GRID1: variants seen among roughly 807,000 people sequenced by gnomAD.
GRID1 encodes glutamate receptor ionotropic, delta-1.
Under a neutral mutation model 98.0 loss-of-function variants are expected in GRID1, and 28 were observed. That is an observed-to-expected ratio of 0.29 (90% CI 0.21 to 0.39). The LOEUF (loss-of-function observed/expected upper bound fraction) is 0.39, where lower values mean the gene tolerates loss of function less well. GRID1 is among the 10% of genes least tolerant of loss of function. The pLI is 1.00. For missense variants in GRID1, 1,111 were observed against 1,340.5 expected (o/e 0.83, Z 2.67); for synonymous variants, 553 against 538.5 (o/e 1.03, Z -0.37).
intron 4 of GRID1, among the ~76,000 whole-genome samples, chr10:85,933,770 A>G (rs1344008425): frequency 2.6e-5 from 4 of 152,212 alleles, no homozygotes; most frequent in Non-Finnish European, 5.9e-5. Flanking sequence ...ATGAACATAC[A>G]TCAAGCAATC....
chr10:85,729,147 T>C (rs544009945), intron 9 of GRID1, among the ~76,000 whole-genome samples: 1 of 152,122 alleles, frequency 6.6e-6, no homozygotes, highest in African/African-American at 2.4e-5. Context: ...CCAGCATCTA[T>C]CTTGGGGTTC....
chr10:86,133,990 G>A (rs1311448046), intron 4 of GRID1, among the ~76,000 whole-genome samples: 1 of 152,230 alleles, frequency 6.6e-6, no homozygotes, highest in Admixed American at 6.5e-5. Flanking sequence ...GGGAGAGGAG[G>A]AAATACAGAG....
At chr10:86,147,940 C>A (rs980856881) in intron 3 of GRID1, among the ~76,000 whole-genome samples, 4 of 152,202 alleles carry the variant, frequency 2.6e-5, no homozygotes, top group Admixed American at 2.0e-4. Context: ...ACCAGCCAAT[C>A]CTAAGCCCAC....
At chr10:85,846,339 C>T (rs920082633) in intron 8 of GRID1, among the ~76,000 whole-genome samples, 4 of 152,076 alleles carry the variant, frequency 2.6e-5, no homozygotes, top group Non-Finnish European at 5.9e-5. Context: ...TTGAAATCAG[C>T]GTCACCAGGA....
At chr10:86,272,389 A>AT (rs1230491475) in intron 2 of GRID1, among the ~76,000 whole-genome samples, 1 of 152,192 alleles carries the variant, frequency 6.6e-6, no homozygotes, top group Non-Finnish European at 1.5e-5. Flanking sequence ...GTATTGTGGC[A>AT]TTTTTACTTG....
At chr10:85,634,939 C>T (rs1347843364) in intron 13 of GRID1, among the ~76,000 whole-genome samples, 1 of 136,064 alleles carries the variant, frequency 7.3e-6, no homozygotes, top group Admixed American at 8.5e-5. Flanking sequence ...TTACAGCCAG[C>T]ACTAAGGTGA....
intron 4 of GRID1, among the ~76,000 whole-genome samples, chr10:86,037,671 T>C (rs1160533637): frequency 6.6e-6 from 1 of 152,156 alleles, no homozygotes; most frequent in East Asian, 1.9e-4. Context: ...TCAGAAACTG[T>C]TTATCTTTGA....
At chr10:85,623,232 G>T (rs1590163890) in intron 13 of GRID1, among the ~76,000 whole-genome samples, 1 of 152,152 alleles carries the variant, frequency 6.6e-6, no homozygotes, top group East Asian at 1.9e-4. Flanking sequence ...CATCTCCCCA[G>T]TTTCCAGTGT....
chr10:86,032,431 T>A (rs535196043), intron 4 of GRID1, among the ~76,000 whole-genome samples: 18 of 152,316 alleles, frequency 1.2e-4, no homozygotes, highest in African/African-American at 4.1e-4. Context: ...TGTTGCTGTA[T>A]CTGTGTAGAA....
chr10:86,092,412 C>T (rs1844162662), intron 4 of GRID1, among the ~76,000 whole-genome samples: 1 of 151,998 alleles, frequency 6.6e-6, no homozygotes, highest in Admixed American at 6.6e-5. Context: ...TTGAATTAAC[C>T]CAATCCAACA....
chr10:85,609,127 G>A (rs547404954), intron 15 of GRID1, among the ~76,000 whole-genome samples: 2 of 152,286 alleles, frequency 1.3e-5, no homozygotes, highest in Non-Finnish European at 2.9e-5. Context: ...ACAAGCTTGC[G>A]CCTGGGAGGC....
chr10:86,119,559 T>C (rs1342180717), intron 4 of GRID1, among the ~76,000 whole-genome samples: 1 of 152,140 alleles, frequency 6.6e-6, no homozygotes, highest in African/African-American at 2.4e-5. Flanking sequence ...TCACCCTAAA[T>C]TCTATAGGAT....
rs536667739 is a variant in GRID1, at chr10:85,683,165, C to T, written c.1998-35768G>A. Among the ~76,000 whole-genome samples, 11 of 152,196 alleles carry T rather than the reference C, an allele frequency of 7.2e-5. No individual in the cohort carries two copies. The South Asian group carries it at 1.7e-3, about 23-fold the overall frequency. ...TCTGAAACTTACTCACCAAGAGAGA[C>T]CTCACTTTCTAGCAAGTTCTAGAGG... On this transcript the variant is annotated intron_variant, in intron 12 of 15. Coordinates refer to ENST00000327946, the MANE Select transcript of GRID1 (RefSeq NM_017551.3).
intron 6 of GRID1, among the ~76,000 whole-genome samples, chr10:85,858,945 G>C (rs1041132482): frequency 6.6e-6 from 1 of 152,160 alleles, no homozygotes; most frequent in East Asian, 1.9e-4. Flanking sequence ...TGAACAAAGA[G>C]GAAAAAGCAG....
rs529838526 is a variant in GRID1 at position 86,123,917 on chromosome 10, C to G, written c.726+14902G>C. Among the ~76,000 whole-genome samples, 81 of 152,344 alleles carry G rather than the reference C, an allele frequency of 5.3e-4. No homozygotes were observed. The South Asian group carries it at 0.017, about 32-fold the overall frequency. On this transcript the variant is annotated intron_variant, in intron 4 of 15. Coordinates refer to ENST00000327946, the MANE Select transcript of GRID1 (RefSeq NM_017551.3). ...CTGTGAGGCACAAAGCAGGAGCCAG[C>G]GTGGCTTCCCACACCAAGGGCCCAT...
intron 12 of GRID1, among the ~76,000 whole-genome samples, chr10:85,676,540 TTC>T (rs1261137353): frequency 6.6e-5 from 10 of 152,208 alleles, no homozygotes; most frequent in Non-Finnish European, 2.9e-5. Flanking sequence ...TCAGCTTAAG[TTC>T]TGTTTGTAGG....
intron 3 of GRID1, among the ~76,000 whole-genome samples, chr10:86,176,086 G>C (rs1220890304): frequency 1.3e-5 from 2 of 152,184 alleles, no homozygotes; most frequent in Non-Finnish European, 2.9e-5. Context: ...ATTGTGATCC[G>C]CCTGCCTCAG....
chr10:86,043,688 T>C (rs1843379713), intron 4 of GRID1, among the ~76,000 whole-genome samples: 1 of 152,246 alleles, frequency 6.6e-6, no homozygotes, highest in Non-Finnish European at 1.5e-5. Context: ...AACTGTACAA[T>C]GCATCATAAA....
chr10:86,233,814 C>T (rs73349955), intron 2 of GRID1, among the ~76,000 whole-genome samples: 7,786 of 152,112 alleles, frequency 0.051, 661 homozygotes, highest in African/African-American at 0.18. Flanking sequence ...CCTCCAGATC[C>T]ACTACTGGGA....
Sources: allele counts gnomAD v4.1 joint callset (sites outside exome capture counted in the v4.1 genomes callset), GRCh38; gene constraint gnomAD v4.1.1; transcripts MANE v1.5; gene names NCBI Gene and HGNC (gene_info 2026-07-23, HGNC 2026-07-21).